ZNF318: variants seen among roughly 807,000 people sequenced by gnomAD.
ZNF318 encodes endocrine regulator.
Under a neutral mutation model 124.2 loss-of-function variants are expected in ZNF318, and 51 were observed. The observed-to-expected ratio is 0.41, with a 90% CI of 0.33 to 0.52. ZNF318 has a LOEUF of 0.52. Among genes scored for constraint, ZNF318 ranks in the 20% least tolerant of loss-of-function variants. The pLI is 0.23. For missense variants in ZNF318, 2,815 were observed against 2,811.2 expected, an observed-to-expected ratio of 1.00 and a Z score of -0.03; for synonymous variants, 1,090 against 1,040.7, an observed-to-expected ratio of 1.05 and a Z score of -0.91.
At chr6:43,363,045 C>A (rs954904023) in intron 2 of ZNF318, among the ~76,000 whole-genome samples, 4 of 151,956 alleles carry the variant, frequency 2.6e-5, no homozygotes, top group African/African-American at 9.7e-5. Flanking sequence ...TAAAGTAGAC[C>A]TGTGCCTCTG....
rs1232892709 is a variant in ZNF318, at chr6:43,339,807, A to G, written c.4191T>C (p.Ala1397=). The change falls in exon 10 of 10, where the codon GCT becomes GCC. Residue 1397 remains alanine (A), a synonymous_variant. Coordinates refer to ENST00000361428, the MANE Select transcript of ZNF318 (RefSeq NM_014345.3). This position sits in a 1 kb window ranked among gnomAD's most constrained non-coding sequence, Gnocchi z 4.2. ...TGATGTCTGGAGGTAAGAGGAGATC[A>G]GCTGAAGACTCTTTAACCACTGGCA... ...KPLPVVKESS[A]DLLLPPDIIS... is the part of the protein sequence containing the mutation. 2.5e-6 allele frequency: 4 copies of G among 1,614,102 alleles called. No individual in the cohort carries two copies. The highest frequency in any genetic ancestry group is 4.5e-5 in the East Asian group (2 of 44,896).
Position 43,340,024 on chromosome 6 carries a change from G to T in ZNF318, c.3974C>A (p.Ser1325Tyr). 1.2e-6 allele frequency: 2 copies of T among 1,614,196 alleles called. No individual in the cohort carries two copies. The highest frequency in any genetic ancestry group is 1.7e-6 in the Non-Finnish European group (2 of 1,180,030). ...GGTATGTGCAACAACAGTTTTCCCA[G>T]AGAGCTTGATTTTGATAGGCTTTGC... The part of the protein sequence containing the change: ...GKAKPIKIKL[S>Y]GKTVVAHTSP... The change falls in exon 10 of 10, where the codon TCT becomes TAT. Residue 1325 changes from serine (S) to tyrosine (Y), a missense_variant. By Grantham distance (144) the Ser-to-Tyr change is moderately radical. Transcript: ENST00000361428.
intron 6 of ZNF318, among the ~76,000 whole-genome samples, chr6:43,344,246 T>C (rs1779410123): frequency 6.6e-6 from 1 of 152,168 alleles, no homozygotes; most frequent in Non-Finnish European, 1.5e-5. Flanking sequence ...ACACTCCTGG[T>C]GGGAGTATTA....
Position 43,339,118 on chromosome 6 carries a change from A to G in ZNF318, c.4880T>C (p.Leu1627Ser), listed in dbSNP as rs776682201. The G allele has an allele frequency of 9.3e-6, 15 of 1,614,192 alleles. No individual in the cohort carries two copies. The highest frequency in any genetic ancestry group is 1.3e-5 in the Non-Finnish European group (15 of 1,180,038). Residue 1627 changes from leucine to serine, a missense_variant, in exon 10 of 10, where the codon TTG (leucine) becomes TCG (serine). Physicochemically the swap from Leu to Ser is moderately radical, Grantham distance 145 (BLOSUM62 -2). This residue lies in a region of ZNF318 where 927 missense variants were observed against 820.6 expected (regional missense o/e 1.13). Transcript: ENST00000361428. The surrounding 1 kb of genome is among the most constrained non-coding windows in gnomAD (Gnocchi z 4.2). The stretch of plus-strand genomic sequence containing the variant: ...AGCGACCAAACCCTCATCTTGATGC[A>G]ACTCCTCTTGGGATGCACTGCTGTT... Reference protein sequence around the residue: ...PLNSSASQEELHQDEGLVAAP... With the variant: ...PLNSSASQEESHQDEGLVAAP...
chr6:43,362,518 CTTTTTTTTTT>C (rs1180416139), intron 2 of ZNF318, among the ~76,000 whole-genome samples: 2 of 80,896 alleles, frequency 2.5e-5, no homozygotes, highest in Admixed American at 2.0e-4. Context: ...ACATACACGT[CTTTTTTTTTT>C]TTTTTTTTTT....
intron 5 of ZNF318, among the ~76,000 whole-genome samples, chr6:43,350,004 C>T (rs1021597909): frequency 2.0e-5 from 3 of 152,156 alleles, no homozygotes; most frequent in Non-Finnish European, 2.9e-5. Flanking sequence ...AATCCCAGCA[C>T]TTTGGGAGGT....
intron 5 of ZNF318, among the ~76,000 whole-genome samples, chr6:43,351,760 CAA>C (rs373851813): frequency 4.0e-5 from 5 of 125,272 alleles, no homozygotes; most frequent in African/African-American, 5.9e-5. Flanking sequence ...GGCTCCATCT[CAA>C]AAAAAAAAAA....
Position 43,342,116 on chromosome 6 carries a change from T to C in ZNF318, c.3372A>G (p.Ala1124=). The change falls in exon 8 of 10, where the codon GCA becomes GCG. Residue 1124 remains alanine, a synonymous_variant. Coordinates refer to ENST00000361428, the MANE Select transcript of ZNF318 (RefSeq NM_014345.3). ...GGTGGCAAAAAGGAAACATACCTTT[T>C]GCAGGAACAGTTATCTTGTCAGTGC... The part of the protein sequence containing the change: ...IKRTDKITVP[A]KGSEFLVPIS... The C allele has an allele frequency of 6.2e-7, 1 of 1,614,122 alleles. No homozygotes were observed. The highest frequency in any genetic ancestry group is 8.5e-7 in the Non-Finnish European group (1 of 1,179,980).
chr6:43,355,117 C>T lies in ZNF318; in HGVS notation c.2217G>A (p.Arg739=), dbSNP rs756151229. ...GSGFQSSVAV[R]CMLPSAPSAP... Reference sequence around the variant, plus strand: ...CAGATGGGGCTGATGGCAACATGCACCTGACTGCAACAGATGACTGAAACC... The same window carrying T: ...CAGATGGGGCTGATGGCAACATGCATCTGACTGCAACAGATGACTGAAACC... The change falls in exon 4 of 10, where the codon AGG becomes AGA. Residue 739 remains arginine, a synonymous_variant. Coordinates refer to ENST00000361428, the MANE Select transcript of ZNF318 (RefSeq NM_014345.3). 37 of 1,614,050 alleles carry T rather than the reference C, an allele frequency of 2.3e-5. No individual in the cohort carries two copies. In the East Asian group the frequency reaches 8.2e-4, roughly 36 times the overall value.
At chr6:43,342,257 C>T in intron 7 of ZNF318, 46 bp from the exon 8 acceptor site, 1 of 1,452,792 alleles carries the variant, frequency 6.9e-7, no homozygotes, top group African/African-American at 1.4e-5. Flanking sequence ...ACTAAAAGCT[C>T]AATGACCCAC....
Position 43,348,274 on chromosome 6 carries a change from G to A in ZNF318, c.3072+50C>T, listed in dbSNP as rs111868167. 6 of 1,514,754 alleles carry A rather than the reference G, an allele frequency of 4.0e-6. No homozygotes were observed. The African/African-American group carries it at 7.0e-5, about 18-fold the overall frequency. 93.8% of individuals were successfully genotyped at this position (1,514,754 alleles called of 1,614,324 possible). A position where few individuals can be genotyped will look rare whatever the true frequency, so the allele number is the denominator to read the frequency against. ...TAAGAAAATGGTTAGAAAACCATAG[G>A]AGTCTAAGGGAAAAAAAAGATGATA... On this transcript the variant is annotated intron_variant, in intron 6 of 9. Coordinates refer to ENST00000361428, the MANE Select transcript of ZNF318 (RefSeq NM_014345.3).
intron 3 of ZNF318, among the ~76,000 whole-genome samples, chr6:43,356,426 C>T (rs1352014328): frequency 6.6e-6 from 1 of 152,104 alleles, no homozygotes; most frequent in Non-Finnish European, 1.5e-5. Flanking sequence ...TTTTAGAGAT[C>T]CCCTAGCTTG....
At chr6:43,344,866 T>G (rs990994213) in intron 6 of ZNF318, among the ~76,000 whole-genome samples, 4 of 151,448 alleles carry the variant, frequency 2.6e-5, no homozygotes, top group Admixed American at 2.6e-4. Flanking sequence ...ATTAATGTAT[T>G]TGGAATATAT....
At chr6:43,366,045 GA>G (rs912599557) in intron 1 of ZNF318, among the ~76,000 whole-genome samples, 20 of 149,054 alleles carry the variant, frequency 1.3e-4, no homozygotes, top group South Asian at 4.2e-4. Context: ...CAAGTTTAAA[GA>G]AAAAAAAAAT....
At position 43,357,533 on chromosome 6, in the gene ZNF318, A is replaced by C. The variant is rs1354751944; in HGVS notation, c.781T>G (p.Ser261Ala). The C allele has an allele frequency of 6.2e-7, 1 of 1,614,050 alleles. No individual in the cohort carries two copies. Among genetic ancestry groups the C allele is most frequent in the Non-Finnish European group, 8.5e-7 (1 of 1,180,004 alleles). The change falls in exon 3 of 10, where the codon TCC becomes GCC. Residue 261 changes from serine (S) to alanine (A), a missense_variant. Physicochemically the swap from Ser to Ala is moderately conservative, Grantham distance 99. Coordinates refer to ENST00000361428, the MANE Select transcript of ZNF318 (RefSeq NM_014345.3). ...ERNREKLKGY[S>A]IRSEERSREA... ...CGGCTCCTTTCTTCAGATCGTATGG[A>C]GTAGCCTTTGAGTTTTTCTCGATTC... is the stretch of plus-strand genomic sequence containing the variant.
At position 43,354,077 on chromosome 6, in the gene ZNF318, T is replaced by TA. The variant is rs549103316; in HGVS notation, c.2670+586dup. 3.0e-4 allele frequency among the ~76,000 whole-genome samples: 46 copies of TA among 152,114 alleles called. No individual in the cohort carries two copies. In the East Asian group the frequency reaches 8.5e-3, roughly 28 times the overall value. ...ACAGTGAGAAGACTCCATCTCTATATAAAATATACGTATACATACACACAC... is the reference window on the plus strand; with the variant it reads ...ACAGTGAGAAGACTCCATCTCTATATAAAAATATACGTATACATACACACAC... On this transcript the variant is annotated intron_variant, in intron 4 of 9. Transcript: ENST00000361428.
intron 2 of ZNF318, 150 bp downstream of exon 2, chr6:43,365,142 T>C (rs956846899): frequency 2.8e-5 from 21 of 745,378 alleles, no homozygotes; most frequent in Non-Finnish European, 4.4e-5. Context: ...ACTTAGAAAT[T>C]CTATCCCAGC....
chr6:43,362,955 A>G (rs1244649373), intron 2 of ZNF318, among the ~76,000 whole-genome samples: 3 of 152,144 alleles, frequency 2.0e-5, no homozygotes. Context: ...ACAAAAGGGA[A>G]AGAAGAGAAA....
chr6:43,356,539 C>T (rs1277611761), intron 3 of ZNF318, among the ~76,000 whole-genome samples: 1 of 152,142 alleles, frequency 6.6e-6, no homozygotes. Context: ...CATTCCTTTG[C>T]TTGGGAACCT....
Sources: gnomAD v4.1 joint callset for allele counts (sites outside exome capture counted in the v4.1 genomes callset) on GRCh38, gnomAD v4.1.1 for gene constraint, gnomAD v4.1.1 regional missense constraint, Gnocchi (gnomAD v3.1) non-coding constraint, MANE v1.5 for transcripts, NCBI Gene and HGNC (gene_info 2026-07-23, HGNC 2026-07-21) for gene names.